SYNE2: variants seen among roughly 807,000 people sequenced by gnomAD.
SYNE2 encodes nesprin-2.
Under a neutral mutation model 856.3 loss-of-function variants are expected in SYNE2, and 431 were observed. That is an observed-to-expected ratio of 0.50 (90% CI 0.47 to 0.55). The LOEUF (loss-of-function observed/expected upper bound fraction) is 0.55, where lower values mean the gene tolerates loss of function less well. Among genes scored for constraint, SYNE2 ranks in the 20% least tolerant of loss-of-function variants. The pLI is 0.00. For missense variants in SYNE2, 8,129 were observed against 8,023.2 expected, an observed-to-expected ratio of 1.01 and a Z score of -0.50; for synonymous variants, 2,923 against 2,872.3, an observed-to-expected ratio of 1.02 and a Z score of -0.56.
At chr14:63,900,820 G>T (rs527249282) in intron 1 of SYNE2, among the ~76,000 whole-genome samples, 1 of 152,270 alleles carries the variant, frequency 6.6e-6, no homozygotes, top group African/African-American at 2.4e-5. Flanking sequence ...CAAATTTATT[G>T]CAGTGTTTCA....
At chr14:64,071,676 A>G (rs550688899) in intron 52 of SYNE2, among the ~76,000 whole-genome samples, 357 of 152,320 alleles carry the variant, frequency 2.3e-3, no homozygotes, top group African/African-American at 7.9e-3. Context: ...GTAATTTACC[A>G]GCAAATCATG....
rs1367399695 is a variant in SYNE2, at chr14:64,102,015, T to C, written c.12465T>C (p.Ala4155=). ...ACAAGGACATGGAAGAAGACAGAGC[T>C]TCCTCATCCTCTGGAACAATTGTTC... ...KHDKDMEEDR[A]SSSSGTIVQE... The change falls in exon 64 of 116, where the codon GCT becomes GCC. Residue 4155 remains alanine, a synonymous_variant. Transcript: ENST00000555002. 4 of 1,613,776 alleles carry C rather than the reference T, an allele frequency of 2.5e-6. No individual in the cohort carries two copies. In the African/African-American group the frequency reaches 5.3e-5, roughly 22 times the overall value.
intron 48 of SYNE2, among the ~76,000 whole-genome samples, chr14:64,055,026 A>C (rs1442772366): frequency 2.0e-5 from 3 of 152,250 alleles, no homozygotes; most frequent in Admixed American, 2.0e-4. Context: ...AATCCCAAAA[A>C]TAATAGGATT....
At chr14:64,059,735 G>T (rs1056917613) in intron 49 of SYNE2, among the ~76,000 whole-genome samples, 3 of 152,230 alleles carry the variant, frequency 2.0e-5, no homozygotes, top group African/African-American at 7.2e-5. Context: ...GATGAAGCCA[G>T]CCAGGCTTGT....
intron 63 of SYNE2, among the ~76,000 whole-genome samples, chr14:64,100,525 AAAAAAAAT>A (rs2097714352): frequency 2.9e-5 from 2 of 70,112 alleles, no homozygotes; most frequent in East Asian, 5.6e-4. Context: ...AAAAAAAAAA[AAAAAAAAT>A]ATATATATAT....
chr14:64,138,953 GTGT>G (rs1567428790), intron 79 of SYNE2, among the ~76,000 whole-genome samples: 5 of 107,284 alleles, frequency 4.7e-5, no homozygotes, highest in African/African-American at 1.9e-4. Context: ...TATGGTGTGT[GTGT>G]GTGTGTGTGT....
Position 64,218,507 on chromosome 14 carries a change from A to G in SYNE2, c.19652A>G (p.Gln6551Arg), listed in dbSNP as rs773196146. 1.2e-6 allele frequency: 2 copies of G among 1,613,836 alleles called. No homozygotes were observed. ...DGGLAGITEQQSGAFDRWEMI... is the reference protein window; with the variant it reads ...DGGLAGITEQRSGAFDRWEMI... ...GGACTGGCCGGTATCACAGAGCAGC[A>G]GTCAGGTACTGCCTGTAACTGGCAG... is the stretch of plus-strand genomic sequence containing the variant. The change falls in exon 109 of 116, where the codon CAG becomes CGG. Residue 6551 changes from glutamine to arginine, a missense_variant. Gln to Arg is a conservative substitution (Grantham distance 43). Around this residue, in one of 3 missense-constraint regions of SYNE2, gnomAD observed 5,410 missense variants for 5,284.8 expected, o/e 1.02. Coordinates refer to ENST00000555002, the MANE Select transcript of SYNE2 (RefSeq NM_182914.3).
In SYNE2 at chr14:64,163,495, C is replaced by T; in HGVS notation, c.16393C>T (p.His5465Tyr). The change falls in exon 89 of 116, where the codon CAC (histidine) becomes TAC (tyrosine). Residue 5465 changes from histidine (H) to tyrosine (Y), a missense_variant. Transcript: ENST00000555002. ...CCCACAACCCGCAGAGTCCAGCACC[C>T]ACATGCTCCTCCCGGGCCCCCTGCA... is the stretch of plus-strand genomic sequence containing the variant. ...RLPQPAESST[H>Y]MLLPGPLHSL... The T allele has an allele frequency of 6.2e-7, 1 of 1,614,154 alleles. No individual in the cohort carries two copies. Among genetic ancestry groups the T allele is most frequent in the Non-Finnish European group, 8.5e-7 (1 of 1,180,020 alleles).
chr14:63,969,899 G>A (rs961283480), intron 11 of SYNE2, among the ~76,000 whole-genome samples: 17 of 152,028 alleles, frequency 1.1e-4, no homozygotes, highest in Non-Finnish European at 1.9e-4. Flanking sequence ...ATTTTGCTTC[G>A]TGTATTTTAA....
In SYNE2 at chr14:63,863,226, G is replaced by C. The variant is rs951712591; in HGVS notation, c.-52+10083G>C. On this transcript the variant is annotated intron_variant, in intron 1 of 115. Coordinates refer to ENST00000555002, the MANE Select transcript of SYNE2 (RefSeq NM_182914.3). ...CATAATACATTTTAAAAATCCGTTC[G>C]TCTTAGTCAATGTGCTCCATGGTGT... Among the ~76,000 whole-genome samples the C allele has an allele frequency of 2.0e-5, 3 of 152,060 alleles. No homozygotes were observed. The South Asian group carries it at 6.2e-4, about 32-fold the overall frequency.
chr14:64,186,379 G>A lies in SYNE2; in HGVS notation c.17557-45G>A, dbSNP rs200831807. ...GCCTACAGGTTTGGAAACAACAGCCGCTTGAGTTGAAGGCTTTTTACCCCC... is the reference window on the plus strand; with the variant it reads ...GCCTACAGGTTTGGAAACAACAGCCACTTGAGTTGAAGGCTTTTTACCCCC... On this transcript the variant is annotated intron_variant, in intron 96 of 115. Coordinates refer to ENST00000555002, the MANE Select transcript of SYNE2 (RefSeq NM_182914.3). 66 of 1,612,916 alleles carry A rather than the reference G, an allele frequency of 4.1e-5. 2 individuals are homozygous for A. Among genetic ancestry groups the A allele is most frequent in the South Asian group, 1.8e-4 (16 of 90,982 alleles).
At position 64,102,011 on chromosome 14, in the gene SYNE2, G is replaced by A. The variant is rs1455878545; in HGVS notation, c.12461G>A (p.Arg4154Lys). The A allele has an allele frequency of 1.2e-6, 2 of 1,613,870 alleles. No homozygotes were observed. Among genetic ancestry groups the A allele is most frequent in the African/African-American group, 2.7e-5 (2 of 74,938 alleles). ...WKHDKDMEED[R>K]ASSSSGTIVQ... ...CATGACAAGGACATGGAAGAAGACAGAGCTTCCTCATCCTCTGGAACAATT... is the reference window on the plus strand; with the variant it reads ...CATGACAAGGACATGGAAGAAGACAAAGCTTCCTCATCCTCTGGAACAATT... Residue 4154 changes from arginine (R) to lysine (K), a missense_variant, in exon 64 of 116, where the codon AGA becomes AAA. By Grantham distance (26) the Arg-to-Lys change is conservative. Around this residue, in one of 3 missense-constraint regions of SYNE2, gnomAD observed 5,410 missense variants for 5,284.8 expected, o/e 1.02. Transcript: ENST00000555002.
At position 64,163,382 on chromosome 14, in the gene SYNE2, C is replaced by T. The variant is rs1379738632; in HGVS notation, c.16300-20C>T. On this transcript the variant is annotated intron_variant, in intron 88 of 115. Coordinates refer to ENST00000555002, the MANE Select transcript of SYNE2 (RefSeq NM_182914.3). The stretch of plus-strand genomic sequence containing the variant: ...TTTGAAAGGAGGAAGAGGTGTTTGC[C>T]ATCCCTTTTTCTTCTGCAGGAGCTG... The T allele has an allele frequency of 4.3e-6, 7 of 1,613,138 alleles. No homozygotes were observed. Among genetic ancestry groups the T allele is most frequent in the Non-Finnish European group, 5.9e-6 (7 of 1,179,960 alleles).
In SYNE2 at chr14:64,121,078, A is replaced by G. The variant is rs1054746404; in HGVS notation, c.13158+17A>G. 6 of 1,613,584 alleles carry G rather than the reference A, an allele frequency of 3.7e-6. No individual in the cohort carries two copies. The highest frequency in any genetic ancestry group is 1.6e-4 in the Middle Eastern group (1 of 6,084). ...CAGCAACAGGTAATTCTAGCCCCCAACAGTTGTAGGGACTAGAATATAACT... is the reference window on the plus strand; with the variant it reads ...CAGCAACAGGTAATTCTAGCCCCCAGCAGTTGTAGGGACTAGAATATAACT... On this transcript the variant is annotated intron_variant, in intron 68 of 115. Coordinates refer to ENST00000555002, the MANE Select transcript of SYNE2 (RefSeq NM_182914.3).
intron 103 of SYNE2, 37 bp from the exon 104 acceptor site, chr14:64,211,924 G>T: frequency 6.2e-7 from 1 of 1,613,794 alleles, no homozygotes; most frequent in Non-Finnish European, 8.5e-7. Context: ...CTTGTTCCGT[G>T]GTCAGTAGAA....
chr14:64,004,865 A>T (rs942681355), intron 30 of SYNE2, among the ~76,000 whole-genome samples: 3 of 152,146 alleles, frequency 2.0e-5, no homozygotes, highest in African/African-American at 7.2e-5. Context: ...ACACAGCAAG[A>T]CCCTCTCTCA....
intron 96 of SYNE2, among the ~76,000 whole-genome samples, chr14:64,183,020 C>CT (rs2098467016): frequency 2.6e-5 from 1 of 38,586 alleles, no homozygotes; most frequent in Non-Finnish European, 4.1e-5. Context: ...GCGGGGGCTG[C>CT]CCCCGCCTCC....
rs371257071 is a variant in SYNE2 at position 64,012,558 on chromosome 14, C to T, written c.4728+2442C>T. Among the ~76,000 whole-genome samples, 79 of 152,210 alleles carry T rather than the reference C, an allele frequency of 5.2e-4. 1 individual carries two copies. Among genetic ancestry groups the T allele is most frequent in the African/African-American group, 1.6e-3 (66 of 41,530 alleles). On this transcript the variant is annotated intron_variant, in intron 32 of 115. Transcript: ENST00000555002. The stretch of plus-strand genomic sequence containing the variant: ...ATTAAAACTCTGCTTTGTCTGTACT[C>T]CTTACTCAACTGCAAAAGGTATTTT...
chr14:64,213,904 C>T (rs1596271327), intron 105 of SYNE2, among the ~76,000 whole-genome samples: 1 of 152,270 alleles, frequency 6.6e-6, no homozygotes, highest in Middle Eastern at 3.4e-3. Flanking sequence ...CCACCATTTC[C>T]TTATCTCCTA....
Sources: gnomAD v4.1 joint callset for allele counts (sites outside exome capture counted in the v4.1 genomes callset) on GRCh38, gnomAD v4.1.1 for gene constraint, gnomAD v4.1.1 regional missense constraint, MANE v1.5 for transcripts, NCBI Gene and HGNC (gene_info 2026-07-23, HGNC 2026-07-21) for gene names.